The following FGD6 variants were observed in gnomAD, a reference collection of about 807,000 sequenced individuals.
FGD6 encodes the protein FYVE, RhoGEF and PH domain containing 6, also known as FYVE, RhoGEF and PH domain-containing protein 6.
Under a neutral mutation model 149.4 loss-of-function variants are expected in FGD6, and 90 were observed. The observed-to-expected ratio is 0.60, with a 90% confidence interval of 0.51 to 0.72. The LOEUF (loss-of-function observed/expected upper bound fraction) is 0.72, where lower values mean the gene tolerates loss of function less well. Ranked by LOEUF, FGD6 falls within the 30% of genes least tolerant of loss-of-function variation. FGD6 has a pLI of 0.00. For missense variants in FGD6, 1,437 were observed against 1,684.8 expected, an observed-to-expected ratio of 0.85 and a Z score of 2.57; for synonymous variants, 527 against 584.0, an observed-to-expected ratio of 0.90 and a Z score of 1.41.
intron 5 of FGD6, among the ~76,000 whole-genome samples, chr12:95,143,781 A>G (rs532922953): frequency 2.6e-4 from 39 of 152,370 alleles, no homozygotes; most frequent in Non-Finnish European, 5.1e-4. Context: ...TGAATAATGT[A>G]TTCAAAGCAG....
At chr12:95,150,213 A>G (rs1051690433) in intron 5 of FGD6, among the ~76,000 whole-genome samples, 1 of 151,926 alleles carries the variant, frequency 6.6e-6, no homozygotes, top group African/African-American at 2.4e-5. Flanking sequence ...TTTTTAGTAG[A>G]GACGGGGTTT....
At chr12:95,202,841 CAAAGTT>C (rs2056670239) in intron 2 of FGD6, among the ~76,000 whole-genome samples, 3 of 152,288 alleles carry the variant, frequency 2.0e-5, no homozygotes, top group Admixed American at 1.3e-4. Context: ...ACGAGAAACA[CAAAGTT>C]AAAGAGGCAT....
chr12:95,084,057 C>T (rs2136230120), intron 20 of FGD6, among the ~76,000 whole-genome samples: 1 of 152,252 alleles, frequency 6.6e-6, no homozygotes, highest in East Asian at 1.9e-4. Flanking sequence ...TGTGTTTGAC[C>T]TTTTCCCCAA....
rs10777668 is a variant in FGD6 at position 95,118,526 on chromosome 12, C to G, written c.3083-4825G>C. 1.8e-4 allele frequency among the ~76,000 whole-genome samples: 28 copies of G among 152,022 alleles called. No homozygotes were observed. In the South Asian group the frequency reaches 5.8e-3, roughly 32 times the overall value. Reference sequence around the variant, plus strand: ...GAAACTAGTCGGAAGTCCTGTTAACCATTAATAAAAATTAGTCATCTGTGG... The same window carrying G: ...GAAACTAGTCGGAAGTCCTGTTAACGATTAATAAAAATTAGTCATCTGTGG... On this transcript the variant is annotated intron_variant, in intron 8 of 20. Coordinates refer to ENST00000343958, the MANE Select transcript of FGD6 (RefSeq NM_018351.4).
At chr12:95,126,168 A>T in intron 8 of FGD6, 1 of 1,068,818 alleles carries the variant, frequency 9.4e-7, no homozygotes, top group Non-Finnish European at 1.4e-6. Context: ...AGCTCTCCTG[A>T]AAGCTTCTCT....
At chr12:95,084,416 C>T in intron 20 of FGD6, 82 bp downstream of exon 20, 1 of 1,214,024 alleles carries the variant, frequency 8.2e-7, no homozygotes, top group African/African-American at 1.6e-5. Flanking sequence ...TGTCCCCATG[C>T]CTTAAAGTAG....
intron 20 of FGD6, among the ~76,000 whole-genome samples, chr12:95,082,984 TAAAAA>T (rs1173446654): frequency 3.2e-4 from 10 of 31,122 alleles, no homozygotes; most frequent in African/African-American, 4.4e-4. Context: ...CTGTCTCCAT[TAAAAA>T]AAAAAAAAAA....
At chr12:95,156,196 G>C (rs1160433916) in intron 3 of FGD6, among the ~76,000 whole-genome samples, 2 of 152,222 alleles carry the variant, frequency 1.3e-5, no homozygotes, top group African/African-American at 2.4e-5. Flanking sequence ...GAACAAGAGA[G>C]ATAACTTTAA....
At chr12:95,089,892 C>G (rs569056325) in intron 17 of FGD6, among the ~76,000 whole-genome samples, 196 bp from the exon 18 acceptor site, 2 of 152,212 alleles carry the variant, frequency 1.3e-5, no homozygotes, top group Admixed American at 1.3e-4. Flanking sequence ...TGGTTTTATA[C>G]TTTTTGAACT....
chr12:95,121,528 C>G (rs1879192367), intron 8 of FGD6, among the ~76,000 whole-genome samples: 2 of 145,238 alleles, frequency 1.4e-5, no homozygotes, highest in African/African-American at 5.1e-5. Context: ...TTTTCTGGGC[C>G]TACAAAACTA....
In FGD6 at chr12:95,079,946, ATTTTTTTT is replaced by A. The variant is rs63214161; in HGVS notation, c.*1566_*1573del. 2 of 110,276 alleles carry A rather than the reference ATTTTTTTT, an allele frequency of 1.8e-5. No homozygotes were observed. The allele number at this position is 110,276 out of a possible 1,614,324, so 6.8% of individuals were successfully genotyped here. Reference sequence around the variant, plus strand: ...ATTATATGGATAACCTTGCTGTTCAATTTTTTTTTTTTTTTTTTTTTTGAGATGGAGTC... The same window carrying A: ...ATTATATGGATAACCTTGCTGTTCAATTTTTTTTTTTTTTGAGATGGAGTC... On this transcript the variant is annotated 3_prime_UTR_variant, in exon 21 of 21. Coordinates refer to ENST00000343958, the MANE Select transcript of FGD6 (RefSeq NM_018351.4).
chr12:95,113,226 C>G (rs1878891066), intron 9 of FGD6, among the ~76,000 whole-genome samples: 1 of 130,206 alleles, frequency 7.7e-6, no homozygotes, highest in South Asian at 2.6e-4. Context: ...AGGAAGGCCT[C>G]AAGTCTTTTT....
At chr12:95,115,316 C>T (rs926092734) in intron 8 of FGD6, among the ~76,000 whole-genome samples, 56 of 152,114 alleles carry the variant, frequency 3.7e-4, no homozygotes, top group African/African-American at 1.3e-3. Flanking sequence ...TTGCTCACTA[C>T]AGCCTCAAAT....
intron 9 of FGD6, 111 bp downstream of exon 9, chr12:95,113,540 A>G (rs1285979543): frequency 2.3e-6 from 2 of 868,264 alleles, no homozygotes; most frequent in Non-Finnish European, 3.6e-6. Context: ...CTGCCCTTCA[A>G]GTCGTATGAA....
chr12:95,180,526 GGGACAACAGGTGCGTGCCAC>G (rs1007829134), intron 2 of FGD6, among the ~76,000 whole-genome samples: 3 of 151,812 alleles, frequency 2.0e-5, no homozygotes, highest in Non-Finnish European at 4.4e-5. Context: ...CCAGGCACTT[GGGACAACAGGTGCGTGCCAC>G]CACACCTGGC....
chr12:95,169,040 A>G (rs1880910990), intron 3 of FGD6, among the ~76,000 whole-genome samples: 1 of 152,252 alleles, frequency 6.6e-6, no homozygotes, highest in Non-Finnish European at 1.5e-5. Flanking sequence ...ATGAAGAGAC[A>G]GAAAGAGAAA....
intron 14 of FGD6, among the ~76,000 whole-genome samples, chr12:95,096,321 A>G (rs945460985): frequency 9.9e-5 from 15 of 152,164 alleles, no homozygotes; most frequent in Non-Finnish European, 2.2e-4. Context: ...CATTCTCAGA[A>G]AGCGCCTCCC....
intron 8 of FGD6, among the ~76,000 whole-genome samples, chr12:95,118,405 A>G (rs1879088215): frequency 6.6e-6 from 1 of 151,882 alleles, no homozygotes. Context: ...TATATACTAT[A>G]TCTTGTTGGA....
At chr12:95,116,941 AGG>A (rs1378614160) in intron 8 of FGD6, 3 of 455,710 alleles carry the variant, frequency 6.6e-6, no homozygotes, top group Admixed American at 2.4e-5. Context: ...GTCAGATGGG[AGG>A]AACAGGAAAC....
Sources: gnomAD v4.1 joint callset for allele counts (sites outside exome capture counted in the v4.1 genomes callset) on GRCh38, gnomAD v4.1.1 for gene constraint, MANE v1.5 for transcripts, NCBI Gene and HGNC (gene_info 2026-07-23, HGNC 2026-07-21) for gene names.